The following EPHA3 variants were observed in gnomAD, a reference collection of about 807,000 sequenced individuals.
EPHA3 encodes the protein EPH receptor A3.
EPHA3 carries 42 observed loss-of-function variants against 107.1 expected under a neutral mutation model. The ratio of observed to expected loss-of-function variants is 0.39; its 90% CI spans 0.31 to 0.51. EPHA3 has a LOEUF of 0.51. Ranked by LOEUF, EPHA3 falls within the 20% of genes least tolerant of loss-of-function variation. EPHA3 has a pLI of 0.78. For synonymous variants in EPHA3, 461 were observed against 424.8 expected (o/e 1.09, Z -1.05); for missense variants, 1,183 against 1,211.2 (o/e 0.98, Z 0.35).
rs986737673 is a variant in EPHA3 at position 89,369,168 on chromosome 3, C to T, written c.1307-26669C>T. Among the ~76,000 whole-genome samples, 17 of 150,516 alleles carry T rather than the reference C, an allele frequency of 1.1e-4. 1 individual carries two copies. The highest frequency in any genetic ancestry group is 2.1e-4 in the Non-Finnish European group (14 of 67,228). On this transcript the variant is annotated intron_variant, in intron 5 of 16. Coordinates refer to ENST00000336596, the MANE Select transcript of EPHA3 (RefSeq NM_005233.6). The stretch of plus-strand genomic sequence containing the variant: ...GAATGGTAAGAAGGAATGGAAACAA[C>T]AAAAAAAGAGCCCGCATCACCAAGT...
At chr3:89,269,649 A>G (rs933076873) in intron 3 of EPHA3, among the ~76,000 whole-genome samples, 3 of 148,654 alleles carry the variant, frequency 2.0e-5, no homozygotes, top group African/African-American at 7.4e-5. Flanking sequence ...ACATGTGCAC[A>G]TTGTGCAGGT....
At chr3:89,301,369 G>A (rs1313598783) in intron 3 of EPHA3, among the ~76,000 whole-genome samples, 1 of 151,958 alleles carries the variant, frequency 6.6e-6, no homozygotes, top group Admixed American at 6.6e-5. Context: ...TCACTTTTTA[G>A]TAATAAAATA....
intron 11 of EPHA3, among the ~76,000 whole-genome samples, chr3:89,421,292 C>A (rs555657818): frequency 6.7e-6 from 1 of 150,154 alleles, no homozygotes; most frequent in South Asian, 2.1e-4. Context: ...ATAATAGATA[C>A]TTAATTTACC....
chr3:89,440,138 G>A (rs1297089641), intron 13 of EPHA3, among the ~76,000 whole-genome samples: 1 of 152,142 alleles, frequency 6.6e-6, no homozygotes, highest in Non-Finnish European at 1.5e-5. Flanking sequence ...TCCTTTGGGA[G>A]CCTTCTTGGA....
intron 2 of EPHA3, among the ~76,000 whole-genome samples, chr3:89,163,991 C>A (rs1262542269): frequency 6.6e-6 from 1 of 152,114 alleles, no homozygotes; most frequent in Non-Finnish European, 1.5e-5. Context: ...TTAGGAGCAA[C>A]AAACCAGAGT....
chr3:89,283,525 G>T (rs1246393424), intron 3 of EPHA3, among the ~76,000 whole-genome samples: 1 of 152,018 alleles, frequency 6.6e-6, no homozygotes, highest in Non-Finnish European at 1.5e-5. Flanking sequence ...TCTAAAATGC[G>T]ACAACTCTTT....
At chr3:89,288,755 T>C (rs529678276) in intron 3 of EPHA3, among the ~76,000 whole-genome samples, 1 of 152,296 alleles carries the variant, frequency 6.6e-6, no homozygotes, top group African/African-American at 2.4e-5. Flanking sequence ...ATATTGCATT[T>C]CTTCAGTGTT....
rs146968327 is a variant in EPHA3 at position 89,287,298 on chromosome 3, G to A, written c.815-53618G>A. On this transcript the variant is annotated intron_variant, in intron 3 of 16. Transcript: ENST00000336596. Reference sequence around the variant, plus strand: ...GGAGAATTTTACAGATGGGATCATAGGAATACTAAATACCTTGCCAAAGTT... The same window carrying A: ...GGAGAATTTTACAGATGGGATCATAAGAATACTAAATACCTTGCCAAAGTT... 1.7e-4 allele frequency among the ~76,000 whole-genome samples: 26 copies of A among 152,212 alleles called. No homozygotes were observed. The East Asian group carries it at 5.0e-3, about 29-fold the overall frequency.
At chr3:89,290,974 CAGAT>C (rs1303626943) in intron 3 of EPHA3, among the ~76,000 whole-genome samples, 2 of 152,066 alleles carry the variant, frequency 1.3e-5, no homozygotes, top group Non-Finnish European at 2.9e-5. Flanking sequence ...AGTTGAGTGA[CAGAT>C]AGCTCGGTTT....
intron 5 of EPHA3, among the ~76,000 whole-genome samples, chr3:89,394,264 G>C (rs77467044): frequency 1.1e-3 from 172 of 152,224 alleles, no homozygotes; most frequent in African/African-American, 4.0e-3. Flanking sequence ...TAAAAAATTA[G>C]CTGATTGTGG....
chr3:89,477,400 G>C (rs1202166047), intron 16 of EPHA3, among the ~76,000 whole-genome samples: 1 of 152,178 alleles, frequency 6.6e-6, no homozygotes, highest in Non-Finnish European at 1.5e-5. Context: ...TCTCAGCCCA[G>C]ATGGTAGGAA....
At chr3:89,211,742 C>T (rs9310114) in intron 3 of EPHA3, among the ~76,000 whole-genome samples, 1,185 of 19,506 alleles carry the variant, frequency 0.061, 482 homozygotes, top group South Asian at 0.12. Context: ...TTCTTCTTCT[C>T]CTTCTTCTTC....
chr3:89,223,305 T>A (rs973350339), intron 3 of EPHA3, among the ~76,000 whole-genome samples: 3 of 152,208 alleles, frequency 2.0e-5, no homozygotes, highest in Non-Finnish European at 2.9e-5. Flanking sequence ...TGAAAGGAAA[T>A]GCTGACTCCA....
At chr3:89,397,775 G>A (rs1476905537) in intron 6 of EPHA3, among the ~76,000 whole-genome samples, 2 of 152,104 alleles carry the variant, frequency 1.3e-5, no homozygotes, top group East Asian at 1.9e-4. Context: ...TAGAGATGAG[G>A]TTTCTCCACG....
intron 2 of EPHA3, among the ~76,000 whole-genome samples, chr3:89,199,622 A>G (rs1236881040): frequency 6.6e-6 from 1 of 152,132 alleles, no homozygotes; most frequent in Non-Finnish European, 1.5e-5. Flanking sequence ...CCACCCCACC[A>G]TATCTCAGGT....
chr3:89,253,171 T>C (rs1705203265), intron 3 of EPHA3, among the ~76,000 whole-genome samples: 2 of 152,240 alleles, frequency 1.3e-5, no homozygotes, highest in South Asian at 4.1e-4. Context: ...AAGTTTTCCC[T>C]GTTAATAACT....
chr3:89,480,816 C>T lies in EPHA3; in HGVS notation c.*1314C>T, dbSNP rs1344732345. ...TTTAAGAGTCTTCCACTTCAATGCA[C>T]ATGGTGCAGTTTTGGTGTGTAACTT... On this transcript the variant is annotated 3_prime_UTR_variant, in exon 17 of 17. Transcript: ENST00000336596. 2 of 232,370 alleles carry T rather than the reference C, an allele frequency of 8.6e-6. No homozygotes were observed. The highest frequency in any genetic ancestry group is 4.4e-5 in the African/African-American group (2 of 45,294). 14.4% of individuals were successfully genotyped at this position (232,370 alleles called of 1,614,324 possible).
At chr3:89,302,916 A>G (rs569383394) in intron 3 of EPHA3, among the ~76,000 whole-genome samples, 4 of 152,200 alleles carry the variant, frequency 2.6e-5, no homozygotes, top group Non-Finnish European at 4.4e-5. Context: ...TTTTTGAGAC[A>G]GGGTCTCACT....
chr3:89,304,005 T>C (rs1455635728), intron 3 of EPHA3, among the ~76,000 whole-genome samples: 1 of 152,182 alleles, frequency 6.6e-6, no homozygotes. Flanking sequence ...TTTCAAACTA[T>C]TGAACATCTT....
Sources: allele counts gnomAD v4.1 joint callset (sites outside exome capture counted in the v4.1 genomes callset), GRCh38; gene constraint gnomAD v4.1.1; transcripts MANE v1.5; gene names NCBI Gene and HGNC (gene_info 2026-07-23, HGNC 2026-07-21).